The following PTK2B variants were observed in gnomAD, a reference collection of about 807,000 sequenced individuals.
PTK2B encodes the protein protein-tyrosine kinase 2-beta.
Under a neutral mutation model 142.9 loss-of-function variants are expected in PTK2B, and 71 were observed. The ratio of observed to expected loss-of-function variants is 0.50; its 90% confidence interval spans 0.41 to 0.61. PTK2B has a LOEUF of 0.61. PTK2B is among the 20% of genes least tolerant of loss of function. The pLI is 0.00. For synonymous variants in PTK2B, 519 were observed against 503.4 expected, an observed-to-expected ratio of 1.03 and a Z score of -0.42; for missense variants, 1,105 against 1,320.4, an observed-to-expected ratio of 0.84 and a Z score of 2.53.
chr8:27,395,779 T>C (rs1276770288), intron 1 of PTK2B, among the ~76,000 whole-genome samples: 1 of 152,196 alleles, frequency 6.6e-6, no homozygotes, highest in Non-Finnish European at 1.5e-5. Context: ...TGATCACTCT[T>C]ATTAGCTGTT....
At chr8:27,445,633 C>T (rs1563297651) in intron 23 of PTK2B, among the ~76,000 whole-genome samples, 161 bp from the exon 24 acceptor site, 1 of 152,180 alleles carries the variant, frequency 6.6e-6, no homozygotes, top group Non-Finnish European at 1.5e-5. Context: ...TCTCTCGGAG[C>T]AATGGAAGGC....
chr8:27,404,486 C>G (rs1808582784), intron 2 of PTK2B, among the ~76,000 whole-genome samples: 1 of 152,172 alleles, frequency 6.6e-6, no homozygotes, highest in Admixed American at 6.5e-5. Context: ...AGGCTGCAGC[C>G]ATCCTGTGCC....
At position 27,381,519 on chromosome 8, in the gene PTK2B, T is replaced by C. The variant is rs191388458; in HGVS notation, c.-37-16029T>C. Among the ~76,000 whole-genome samples the C allele has an allele frequency of 9.1e-4, 138 of 152,362 alleles. 1 individual carries two copies. The highest frequency in any genetic ancestry group is 3.1e-3 in the African/African-American group (128 of 41,584). On this transcript the variant is annotated intron_variant, in intron 1 of 30. Coordinates refer to ENST00000346049, the MANE Select transcript of PTK2B (RefSeq NM_173176.3). ...GTTGTTGTGAATGACAAGATTTTAT[T>C]CTTTTTCATGGCTAAATAGCACTCC...
At chr8:27,348,573 A>G (rs959966106) in intron 1 of PTK2B, among the ~76,000 whole-genome samples, 1 of 152,162 alleles carries the variant, frequency 6.6e-6, no homozygotes, top group South Asian at 2.1e-4. Flanking sequence ...ACTGCAGACA[A>G]TACAAACAGT....
Position 27,440,455 on chromosome 8 carries a change from G to A in PTK2B, c.2039+14G>A, listed in dbSNP as rs1351120817. The A allele has an allele frequency of 6.2e-7, 1 of 1,612,070 alleles. No homozygotes were observed. Among genetic ancestry groups the A allele is most frequent in the Non-Finnish European group, 8.5e-7 (1 of 1,179,678 alleles). On this transcript the variant is annotated intron_variant, in intron 21 of 30. Transcript: ENST00000346049. ...GTGCAGCCTCAGGTGAGCATGGAGT[G>A]TGGGCTGTGGGCTGGGGGCCCACCC...
At chr8:27,419,754 T>A in intron 2 of PTK2B, 141 bp from the exon 3 acceptor site, 1 of 887,052 alleles carries the variant, frequency 1.1e-6, no homozygotes, top group Non-Finnish European at 1.7e-6. Context: ...AATCTTCCCC[T>A]AAATGCTAGA....
chr8:27,413,270 A>G lies in PTK2B; in HGVS notation c.205-6625A>G, dbSNP rs553252585. ...TGCTCCAGGGTTTATCTCCCCAAAC[A>G]GGGACATTCTCCTACAGAAGATGTG... On this transcript the variant is annotated intron_variant, in intron 2 of 30. Transcript: ENST00000346049. Among the ~76,000 whole-genome samples the G allele has an allele frequency of 9.8e-5, 15 of 152,366 alleles. No individual in the cohort carries two copies. In the East Asian group the frequency reaches 2.9e-3, roughly 29 times the overall value.
intron 1 of PTK2B, among the ~76,000 whole-genome samples, chr8:27,328,965 T>C (rs1178364003): frequency 6.8e-6 from 1 of 146,844 alleles, no homozygotes; most frequent in Non-Finnish European, 1.5e-5. Flanking sequence ...TGAGATGGAG[T>C]CTCACTCTGT....
intron 1 of PTK2B, among the ~76,000 whole-genome samples, chr8:27,342,709 T>C (rs1255955282): frequency 6.6e-6 from 1 of 152,192 alleles, no homozygotes; most frequent in Non-Finnish European, 1.5e-5. Context: ...GATCCCACAG[T>C]CTTCTTCCTG....
At chr8:27,438,601 G>A (rs1810951531) in intron 18 of PTK2B, among the ~76,000 whole-genome samples, 1 of 152,198 alleles carries the variant, frequency 6.6e-6, no homozygotes, top group Admixed American at 6.5e-5. Flanking sequence ...GAGAATACCT[G>A]TGTTCAGGGA....
chr8:27,338,001 A>C (rs775884949), intron 1 of PTK2B, among the ~76,000 whole-genome samples: 5 of 152,148 alleles, frequency 3.3e-5, no homozygotes, highest in Non-Finnish European at 1.5e-5. Context: ...CTTGGTTCTA[A>C]TACCTCCACG....
At chr8:27,400,191 A>C (rs1256027101) in intron 2 of PTK2B, among the ~76,000 whole-genome samples, 2 of 152,224 alleles carry the variant, frequency 1.3e-5, no homozygotes, top group Admixed American at 6.5e-5. Context: ...CGGGAAGGGA[A>C]TGTGTGGTCA....
In PTK2B at chr8:27,451,504, G is replaced by A. The variant is rs776089788; in HGVS notation, c.2543G>A (p.Gly848Asp). Residue 848 changes from glycine to aspartate, a missense_variant, in exon 27 of 31, where the codon GGC becomes GAC. Transcript: ENST00000346049. The part of the protein sequence containing the change: ...KSPLTPEKEV[G>D]YLEFTGPPQK... The stretch of plus-strand genomic sequence containing the variant: ...CTCCAGACGCCAGAGAAGGAGGTCG[G>A]CTACCGTGAGTGTTCCCGCCCTTCT... The A allele has an allele frequency of 3.1e-6, 5 of 1,614,132 alleles. No individual in the cohort carries two copies. Among genetic ancestry groups the A allele is most frequent in the Non-Finnish European group, 4.2e-6 (5 of 1,180,026 alleles).
chr8:27,441,027 C>T (rs1442373627), intron 21 of PTK2B, among the ~76,000 whole-genome samples: 1 of 152,098 alleles, frequency 6.6e-6, no homozygotes, highest in Non-Finnish European at 1.5e-5. Flanking sequence ...TGCCATTAGC[C>T]CTCCTGTGGG....
chr8:27,322,901 T>G (rs937406942), upstream of PTK2B: 2 of 152,280 alleles, frequency 1.3e-5, no homozygotes, highest in Non-Finnish European at 2.9e-5. Context: ...GTCTTCACTT[T>G]CAGTTTACTT....
At chr8:27,437,241 T>C (rs1450854518) in intron 16 of PTK2B, 35 bp downstream of exon 16, 1 of 1,588,584 alleles carries the variant, frequency 6.3e-7, no homozygotes, top group Non-Finnish European at 8.6e-7. Context: ...GCCTCCAAGA[T>C]GGGAGGGGCT....
chr8:27,339,954 A>G (rs1407467379), intron 1 of PTK2B, among the ~76,000 whole-genome samples: 1 of 152,226 alleles, frequency 6.6e-6, no homozygotes, highest in Non-Finnish European at 1.5e-5. Context: ...GTCAGGACGG[A>G]GTCTCACCTA....
chr8:27,342,299 T>C (rs559047263), intron 1 of PTK2B, among the ~76,000 whole-genome samples: 157 of 152,142 alleles, frequency 1.0e-3, no homozygotes, highest in African/African-American at 3.6e-3. Context: ...CTTTTTTTTT[T>C]TTCTTGAGAC....
chr8:27,391,155 G>T (rs1042127607), intron 1 of PTK2B, among the ~76,000 whole-genome samples: 1 of 150,290 alleles, frequency 6.7e-6, no homozygotes, highest in African/African-American at 2.5e-5. Context: ...ATCTCGGCTC[G>T]GTGCAATCTC....
Sources: gnomAD v4.1 joint callset for allele counts (sites outside exome capture counted in the v4.1 genomes callset) on GRCh38, gnomAD v4.1.1 for gene constraint, MANE v1.5 for transcripts, NCBI Gene and HGNC (gene_info 2026-07-23, HGNC 2026-07-21) for gene names.